Variants in AGMO observed in about 807,000 individuals in gnomAD.
AGMO encodes the protein alkylglycerol monooxygenase, also known as glyceryl-ether monooxygenase.
AGMO carries 75 observed loss-of-function variants against 60.2 expected under a neutral mutation model. The ratio of observed to expected loss-of-function variants is 1.25; its 90% CI spans 1.03 to 1.51. AGMO has a LOEUF of 1.51. Among genes scored for constraint, AGMO ranks in the 40% most tolerant of loss-of-function variants. AGMO has a pLI of 0.00. For synonymous variants in AGMO, 261 were observed against 177.1 expected (o/e 1.47, Z -3.76); for missense variants, 763 against 525.5 (o/e 1.45, Z -4.42).
At chr7:15,409,947 A>C (rs1481759137) in intron 5 of AGMO, among the ~76,000 whole-genome samples, 1 of 151,750 alleles carries the variant, frequency 6.6e-6, no homozygotes, top group Admixed American at 6.6e-5. Context: ...TTTAATGTGA[A>C]AATACTTCCT....
At chr7:15,128,623 A>C in the AGMO span, among the ~76,000 whole-genome samples, 2 of 152,102 alleles carry the variant, frequency 1.3e-5, no homozygotes, top group Non-Finnish European at 2.9e-5. Flanking sequence ...AAGTAAAAGT[A>C]TATAAGTATA....
chr7:15,254,243 T>C (rs544205887), intron 12 of AGMO, among the ~76,000 whole-genome samples: 1 of 152,304 alleles, frequency 6.6e-6, no homozygotes, highest in East Asian at 1.9e-4. Flanking sequence ...TTCTTTTCAA[T>C]ATTTACACAG....
At chr7:15,508,208 A>G (rs1783572598) in intron 3 of AGMO, among the ~76,000 whole-genome samples, 1 of 152,170 alleles carries the variant, frequency 6.6e-6, no homozygotes. Context: ...AAATAATAAT[A>G]CTTGTGAGGT....
chr7:15,222,090 G>C lies in AGMO; in HGVS notation c.1264-20731C>G, dbSNP rs147325022. Among the ~76,000 whole-genome samples the C allele has an allele frequency of 6.6e-5, 10 of 152,120 alleles. No homozygotes were observed. The East Asian group carries it at 1.7e-3, about 26-fold the overall frequency. ...TCTTTTCGTCTAAAATGCTATTATT[G>C]GAGGATAAAGCAAGATGTAAGCTTC... On this transcript the variant is annotated intron_variant, in intron 12 of 12. Coordinates refer to ENST00000342526, the MANE Select transcript of AGMO (RefSeq NM_001004320.2).
the AGMO span, among the ~76,000 whole-genome samples, chr7:15,189,333 T>C: frequency 6.6e-6 from 1 of 152,142 alleles, no homozygotes; most frequent in Non-Finnish European, 1.5e-5. Context: ...TTTAAGTTTT[T>C]TTTTTCTTTT....
intron 12 of AGMO, among the ~76,000 whole-genome samples, chr7:15,258,178 A>G (rs1783157121): frequency 6.6e-6 from 1 of 152,212 alleles, no homozygotes; most frequent in Non-Finnish European, 1.5e-5. Flanking sequence ...TTATGAGCCA[A>G]TATCTTAATA....
chr7:15,178,091 A>G, the AGMO span, among the ~76,000 whole-genome samples: 2 of 152,134 alleles, frequency 1.3e-5, no homozygotes, highest in East Asian at 3.8e-4. Flanking sequence ...TATTAGTAGT[A>G]GTTAGCGTTA....
At chr7:15,155,632 C>G in the AGMO span, among the ~76,000 whole-genome samples, 3 of 151,838 alleles carry the variant, frequency 2.0e-5, no homozygotes, top group Admixed American at 6.6e-5. Flanking sequence ...CTGTGTTTGT[C>G]ATTTAATCTA....
At chr7:15,295,292 T>A (rs1030368075) in intron 12 of AGMO, among the ~76,000 whole-genome samples, 5 of 152,054 alleles carry the variant, frequency 3.3e-5, no homozygotes, top group Non-Finnish European at 5.9e-5. Flanking sequence ...TGTATCTATT[T>A]ATTTCTTCAA....
At chr7:15,372,143 T>C (rs983499755) in intron 10 of AGMO, among the ~76,000 whole-genome samples, 1 of 125,580 alleles carries the variant, frequency 8.0e-6, no homozygotes, top group Admixed American at 8.2e-5. Flanking sequence ...AGATAATCAG[T>C]TGAACGTCTC....
chr7:15,254,499 AT>A (rs984694593), intron 12 of AGMO, among the ~76,000 whole-genome samples: 1 of 152,016 alleles, frequency 6.6e-6, no homozygotes, highest in African/African-American at 2.4e-5. Flanking sequence ...AATGTTCAGT[AT>A]TTTTTCATAC....
chr7:15,129,578 C>G, the AGMO span, among the ~76,000 whole-genome samples: 4 of 152,026 alleles, frequency 2.6e-5, no homozygotes, highest in African/African-American at 9.7e-5. Flanking sequence ...TAAAGAGTCA[C>G]TTAAAAATAT....
At chr7:15,256,092 T>C (rs998154042) in intron 12 of AGMO, among the ~76,000 whole-genome samples, 6 of 152,252 alleles carry the variant, frequency 3.9e-5, no homozygotes, top group South Asian at 2.1e-4. Context: ...TGCTGACCAA[T>C]GAGGGGGATG....
intron 3 of AGMO, among the ~76,000 whole-genome samples, chr7:15,437,497 A>C (rs1475404160): frequency 6.6e-6 from 1 of 151,598 alleles, no homozygotes; most frequent in Non-Finnish European, 1.5e-5. Flanking sequence ...GCATGATAGA[A>C]ACCAGGCTTC....
intron 12 of AGMO, among the ~76,000 whole-genome samples, chr7:15,235,207 AAT>A (rs1010319510): frequency 6.6e-6 from 1 of 151,738 alleles, no homozygotes; most frequent in Non-Finnish European, 1.5e-5. Flanking sequence ...CTTAATCTAT[AAT>A]ATATATATAT....
intron 5 of AGMO, among the ~76,000 whole-genome samples, chr7:15,406,572 A>G (rs1277762727): frequency 1.5e-5 from 2 of 132,198 alleles, no homozygotes; most frequent in South Asian, 4.9e-4. Context: ...ACACACACAC[A>G]CACACACACA....
At chr7:15,301,763 A>T (rs929217474) in intron 12 of AGMO, among the ~76,000 whole-genome samples, 7 of 152,190 alleles carry the variant, frequency 4.6e-5, no homozygotes, top group African/African-American at 1.7e-4. Context: ...AACCAATCTG[A>T]ATTACATACA....
At chr7:15,378,175 G>T (rs965178656) in intron 10 of AGMO, among the ~76,000 whole-genome samples, 2 of 151,918 alleles carry the variant, frequency 1.3e-5, no homozygotes, top group Non-Finnish European at 2.9e-5. Flanking sequence ...AATACAAGTC[G>T]ATTTCATGTT....
chr7:15,503,914 TAAGTA>T (rs1783448124), intron 3 of AGMO, among the ~76,000 whole-genome samples: 1 of 152,044 alleles, frequency 6.6e-6, no homozygotes, highest in South Asian at 2.1e-4. Flanking sequence ...TACTCTGTAA[TAAGTA>T]AAGTAAACAT....
Sources: allele counts gnomAD v4.1 joint callset (sites outside exome capture counted in the v4.1 genomes callset), GRCh38; gene constraint gnomAD v4.1.1; transcripts MANE v1.5; gene names NCBI Gene and HGNC (gene_info 2026-07-23, HGNC 2026-07-21).